GTF2E1: variants seen among roughly 807,000 people sequenced by gnomAD.
GTF2E1 encodes TFIIE alpha subunit.
Under a neutral mutation model 34.9 loss-of-function variants are expected in GTF2E1, and 14 were observed. The observed-to-expected ratio is 0.40, with a 90% CI of 0.27 to 0.63. GTF2E1 has a LOEUF of 0.63. GTF2E1 is among the 20% of genes least tolerant of loss of function. The pLI is 0.39. For synonymous variants in GTF2E1, 188 were observed against 192.9 expected (o/e 0.97, Z 0.21); for missense variants, 469 against 557.7 (o/e 0.84, Z 1.60).
chr3:120,748,201 G>A (rs1252725483), intron 1 of GTF2E1, among the ~76,000 whole-genome samples: 1 of 152,138 alleles, frequency 6.6e-6, no homozygotes, highest in Non-Finnish European at 1.5e-5. Context: ...TCTGTAGGTT[G>A]CCTGTTCACT....
At chr3:120,754,549 T>C (rs1002780823) in intron 2 of GTF2E1, among the ~76,000 whole-genome samples, 5 of 152,128 alleles carry the variant, frequency 3.3e-5, no homozygotes, top group Non-Finnish European at 7.4e-5. Flanking sequence ...TACCTTTGTA[T>C]ATATAGCACA....
At chr3:120,765,319 A>G (rs1292701561) in intron 2 of GTF2E1, among the ~76,000 whole-genome samples, 1 of 152,076 alleles carries the variant, frequency 6.6e-6, no homozygotes, top group Admixed American at 6.6e-5. Context: ...CCCACTTTCA[A>G]TGCCTGTTCG....
At chr3:120,771,579 T>C (rs1326684827) in intron 3 of GTF2E1, among the ~76,000 whole-genome samples, 1 of 152,122 alleles carries the variant, frequency 6.6e-6, no homozygotes, top group East Asian at 1.9e-4. Flanking sequence ...TCTCTCCCTC[T>C]TCCCAGCATC....
chr3:120,772,728 C>T (rs953791643), intron 3 of GTF2E1, among the ~76,000 whole-genome samples: 1 of 152,090 alleles, frequency 6.6e-6, no homozygotes, highest in East Asian at 1.9e-4. Flanking sequence ...CCTCTCCTAC[C>T]TGTAGTTATT....
chr3:120,752,612 A>G (rs1214124404), intron 2 of GTF2E1, among the ~76,000 whole-genome samples: 1 of 152,196 alleles, frequency 6.6e-6, no homozygotes, highest in African/African-American at 2.4e-5. Context: ...CTTGAATTTC[A>G]CCTGGATTCT....
chr3:120,780,913 T>C, intron 4 of GTF2E1, 130 bp from the exon 5 acceptor site: 1 of 640,376 alleles, frequency 1.6e-6, no homozygotes, highest in Admixed American at 3.1e-5. Flanking sequence ...GGATAGCAGC[T>C]CAAAAATGGA....
chr3:120,756,769 T>TA (rs1453068572), intron 2 of GTF2E1, among the ~76,000 whole-genome samples: 1 of 151,890 alleles, frequency 6.6e-6, no homozygotes, highest in East Asian at 1.9e-4. Flanking sequence ...CTACTAAAAA[T>TA]ACAAAAATTA....
intron 1 of GTF2E1, among the ~76,000 whole-genome samples, chr3:120,745,735 C>G (rs921014044): frequency 1.3e-5 from 2 of 152,142 alleles, no homozygotes; most frequent in African/African-American, 4.8e-5. Context: ...TTTCTGAAGC[C>G]ATATGTTGTG....
At chr3:120,780,906 T>G in intron 4 of GTF2E1, 137 bp from the exon 5 acceptor site, 2 of 609,636 alleles carry the variant, frequency 3.3e-6, no homozygotes, top group South Asian at 4.8e-5. Flanking sequence ...ATTTTATGGA[T>G]AGCAGCTCAA....
At chr3:120,763,569 A>G (rs561697403) in intron 2 of GTF2E1, among the ~76,000 whole-genome samples, 14 of 152,292 alleles carry the variant, frequency 9.2e-5, no homozygotes, top group African/African-American at 3.4e-4. Flanking sequence ...CTGAAATCCT[A>G]GGAGTTCTGC....
chr3:120,756,450 T>G, intron 2 of GTF2E1, among the ~76,000 whole-genome samples: 1 of 140,904 alleles, frequency 7.1e-6, no homozygotes, highest in South Asian at 2.4e-4. Flanking sequence ...AAGGTATGGA[T>G]TGGGGAGTGG....
At chr3:120,780,937 GTTATT>G (rs1709441178) in intron 4 of GTF2E1, 101 bp from the exon 5 acceptor site, 1 of 751,958 alleles carries the variant, frequency 1.3e-6, no homozygotes, top group South Asian at 2.2e-5. Context: ...AGTGAAGTCT[GTTATT>G]TTATCGTATT....
chr3:120,749,155 T>C lies in GTF2E1; in HGVS notation c.-30-1368T>C, dbSNP rs556408111. On this transcript the variant is annotated intron_variant, in intron 1 of 4. Coordinates refer to ENST00000283875, the MANE Select transcript of GTF2E1 (RefSeq NM_005513.3). Reference sequence around the variant, plus strand: ...TTATCAGTTTAAGGAGATTTTGGGCTGAGACAATGGGGTTTTCTAGATATA... The same window carrying C: ...TTATCAGTTTAAGGAGATTTTGGGCCGAGACAATGGGGTTTTCTAGATATA... Among the ~76,000 whole-genome samples the C allele has an allele frequency of 7.9e-5, 12 of 152,318 alleles. No homozygotes were observed. In the South Asian group the frequency reaches 2.1e-3, roughly 26 times the overall value.
chr3:120,763,627 T>C (rs2107609582), intron 2 of GTF2E1, among the ~76,000 whole-genome samples: 2 of 152,348 alleles, frequency 1.3e-5, no homozygotes, highest in East Asian at 3.8e-4. Context: ...TCTTTTGTTT[T>C]TTTCTTTTTC....
intron 1 of GTF2E1, among the ~76,000 whole-genome samples, chr3:120,746,651 TAGTC>T (rs1449774342): frequency 6.6e-6 from 1 of 151,880 alleles, no homozygotes; most frequent in Non-Finnish European, 1.5e-5. Context: ...ACACAAAAAT[TAGTC>T]AGTCATGGTG....
chr3:120,751,083 C>T, intron 2 of GTF2E1, 83 bp downstream of exon 2: 1 of 787,682 alleles, frequency 1.3e-6, no homozygotes, highest in Non-Finnish European at 2.0e-6. Flanking sequence ...ATTTTTAAAC[C>T]ATCATATATA....
At chr3:120,753,349 A>G (rs1709181835) in intron 2 of GTF2E1, among the ~76,000 whole-genome samples, 1 of 152,128 alleles carries the variant, frequency 6.6e-6, no homozygotes, top group African/African-American at 2.4e-5. Context: ...CCTTGTCTAA[A>G]TTGGTAGATT....
intron 2 of GTF2E1, among the ~76,000 whole-genome samples, chr3:120,761,535 C>T (rs1709263207): frequency 6.6e-6 from 1 of 152,146 alleles, no homozygotes; most frequent in African/African-American, 2.4e-5. Context: ...TTAGATCTTT[C>T]CTGCTTTCTC....
chr3:120,769,324 TAAAC>T (rs948022838), intron 2 of GTF2E1, among the ~76,000 whole-genome samples: 9 of 152,288 alleles, frequency 5.9e-5, no homozygotes, highest in African/African-American at 2.2e-4. Context: ...GCACCTGTAG[TAAAC>T]AAAGTTAGGT....
Sources: gnomAD v4.1 joint callset for allele counts (sites outside exome capture counted in the v4.1 genomes callset) on GRCh38, gnomAD v4.1.1 for gene constraint, MANE v1.5 for transcripts, NCBI Gene and HGNC (gene_info 2026-07-23, HGNC 2026-07-21) for gene names.